SI: variants seen among roughly 807,000 people sequenced by gnomAD.
SI encodes the protein sucrase-isomaltase, also known as sucrase-isomaltase, intestinal.
In SI, 235 loss-of-function variants were observed where a neutral mutation model predicts 253.3. The ratio of observed to expected loss-of-function variants is 0.93; its 90% CI spans 0.83 to 1.03. SI has a LOEUF of 1.03. SI is among the 50% of genes least tolerant of loss of function. The pLI, the probability that SI is intolerant of heterozygous loss-of-function variation, is 0.00. For synonymous variants in SI, 819 were observed against 712.0 expected (o/e 1.15, Z -2.39); for missense variants, 2,442 against 2,211.1 (o/e 1.10, Z -2.09).
chr3:165,055,849 A>G (rs768544060), intron 12 of SI, among the ~76,000 whole-genome samples: 2 of 152,114 alleles, frequency 1.3e-5, no homozygotes, highest in Non-Finnish European at 2.9e-5. Context: ...CTTACAGATG[A>G]GGTAGGTACT....
chr3:165,023,926 T>C, intron 25 of SI, 150 bp from the exon 26 acceptor site: 1 of 663,754 alleles, frequency 1.5e-6, no homozygotes, highest in Non-Finnish European at 2.7e-6. Context: ...CAAAATATAT[T>C]TTATGCAATT....
intron 24 of SI, among the ~76,000 whole-genome samples, chr3:165,031,815 C>T (rs1337062485): frequency 6.6e-6 from 1 of 150,990 alleles, no homozygotes; most frequent in Non-Finnish European, 1.5e-5. Context: ...CATCAATCTA[C>T]TACCCAAAGC....
At chr3:165,002,423 T>A (rs1718297410) in intron 37 of SI, among the ~76,000 whole-genome samples, 1 of 151,780 alleles carries the variant, frequency 6.6e-6, no homozygotes, top group Non-Finnish European at 1.5e-5. Context: ...CATTTCTGAA[T>A]CCATGCATGC....
At chr3:165,049,521 T>C (rs1207213188) in intron 14 of SI, among the ~76,000 whole-genome samples, 2 of 152,058 alleles carry the variant, frequency 1.3e-5, no homozygotes, top group Non-Finnish European at 2.9e-5. Context: ...ACTTTAAAAA[T>C]AACCTTTAAC....
chr3:165,088,468 C>A, the SI span, among the ~76,000 whole-genome samples: 1 of 151,932 alleles, frequency 6.6e-6, no homozygotes, highest in Non-Finnish European at 1.5e-5. Context: ...TATGGTGAAA[C>A]CCCGTCTCTA....
intron 20 of SI, among the ~76,000 whole-genome samples, chr3:165,038,854 A>G (rs1309093727): frequency 6.6e-6 from 1 of 152,072 alleles, no homozygotes; most frequent in African/African-American, 2.4e-5. Flanking sequence ...TTTATGCTAA[A>G]TAATATAACT....
At chr3:165,046,141 T>G (rs2108227289) in intron 16 of SI, among the ~76,000 whole-genome samples, 1 of 152,226 alleles carries the variant, frequency 6.6e-6, no homozygotes, top group Middle Eastern at 3.4e-3. Flanking sequence ...TATTTTTCAA[T>G]TTTCAAACAC....
Position 165,023,751 on chromosome 3 carries a change from T to G in SI, c.2918A>C (p.Glu973Ala). 2 of 1,610,124 alleles carry G rather than the reference T, an allele frequency of 1.2e-6. No homozygotes were observed. The highest frequency in any genetic ancestry group is 1.7e-6 in the Non-Finnish European group (2 of 1,177,382). ...RTGSSLSKAP[E>A]CYFPRQDNSY... Reference sequence around the variant, plus strand: ...GTTATCTTGTCTGGGAAAGTAACACTCAGGTGCTTTGGATAGAGAAGAACC... The same window carrying G: ...GTTATCTTGTCTGGGAAAGTAACACGCAGGTGCTTTGGATAGAGAAGAACC... Residue 973 changes from glutamate to alanine, a missense_variant, in exon 26 of 48, where the codon GAG becomes GCG. Glu to Ala is a moderately radical substitution (Grantham distance 107). Coordinates refer to ENST00000264382, the MANE Select transcript of SI (RefSeq NM_001041.4).
At chr3:165,009,511 T>C (rs975615481) in intron 34 of SI, 116 bp from the exon 35 acceptor site, 7 of 701,370 alleles carry the variant, frequency 1.0e-5, no homozygotes, top group African/African-American at 1.8e-5. Context: ...ATGAAGGAAA[T>C]TGACATCAAT....
upstream of SI, among the ~76,000 whole-genome samples, chr3:165,079,177 A>T (rs925540418): frequency 2.6e-5 from 4 of 151,672 alleles, no homozygotes; most frequent in Admixed American, 6.6e-5. Context: ...CATAATGTTT[A>T]AAAGCAATGG....
chr3:164,989,389 G>GAAAGAAAGAAAGAAAGAAAGA (rs1559978090), intron 44 of SI, among the ~76,000 whole-genome samples: 1 of 59,428 alleles, frequency 1.7e-5, no homozygotes, highest in Non-Finnish European at 3.6e-5. Context: ...AGAAAGAAAG[G>GAAAGAAAGAAAGAAAGAAAGA]AAGAAAGAAA....
At chr3:165,054,137 A>G (rs542358745) in intron 13 of SI, among the ~76,000 whole-genome samples, 4 of 152,264 alleles carry the variant, frequency 2.6e-5, no homozygotes, top group African/African-American at 7.2e-5. Flanking sequence ...TAAATGATTG[A>G]TTGATTTAAT....
At chr3:165,064,207 T>C (rs761839734) in intron 7 of SI, among the ~76,000 whole-genome samples, 7 of 152,134 alleles carry the variant, frequency 4.6e-5, no homozygotes, top group Non-Finnish European at 8.8e-5. Context: ...TGTACCTTAA[T>C]AAAAATTTAG....
chr3:165,075,680 A>C lies in SI; in HGVS notation c.118+215T>G, dbSNP rs190728680. Among the ~76,000 whole-genome samples the C allele has an allele frequency of 2.1e-3, 315 of 152,062 alleles. 1 individual carries two copies. The highest frequency in any genetic ancestry group is 4.5e-3 in the Admixed American group (68 of 15,198). ...GTCAAGTAGCTAGGGAAGGCAATTC[A>C]TGTCAAAGCACATGGATTCCTTACT... On this transcript the variant is annotated intron_variant, in intron 2 of 47. Coordinates refer to ENST00000264382, the MANE Select transcript of SI (RefSeq NM_001041.4).
intron 2 of SI, 124 bp from the exon 3 acceptor site, chr3:165,074,791 A>C: frequency 1.2e-6 from 1 of 819,202 alleles, no homozygotes; most frequent in Non-Finnish European, 1.9e-6. Flanking sequence ...TTTTAAAATA[A>C]ATTTTGCATT....
chr3:165,000,981 G>T (rs1718231892), intron 37 of SI, among the ~76,000 whole-genome samples: 1 of 150,922 alleles, frequency 6.6e-6, no homozygotes, highest in Admixed American at 6.6e-5. Flanking sequence ...GTTTTTTATA[G>T]AAGTAAAACC....
At chr3:165,082,172 T>C (rs1715351717), upstream of SI, among the ~76,000 whole-genome samples, 1 of 151,956 alleles carries the variant, frequency 6.6e-6, no homozygotes, top group Admixed American at 6.6e-5. Context: ...TTTATCTAGC[T>C]CTATCTCAAT....
Position 164,991,371 on chromosome 3 carries a change from G to A in SI, c.5090C>T (p.Ala1697Val). The A allele has an allele frequency of 6.2e-7, 1 of 1,613,732 alleles. No individual in the cohort carries two copies. The highest frequency in any genetic ancestry group is 8.5e-7 in the Non-Finnish European group (1 of 1,179,766). ...GGHILPCQEP[A>V]QNTFYSRQKH... Reference sequence around the variant, plus strand: ...CACTTACCTGTAAAATGTGTTTTGAGCTGGCTCTTGACATGGTAGGATGTG... The same window carrying A: ...CACTTACCTGTAAAATGTGTTTTGAACTGGCTCTTGACATGGTAGGATGTG... Residue 1697 changes from alanine (A) to valine (V), a missense_variant, in exon 44 of 48, where the codon GCT (alanine) becomes GTT (valine). Transcript: ENST00000264382.
chr3:165,089,767 A>G, the SI span, among the ~76,000 whole-genome samples: 2 of 151,992 alleles, frequency 1.3e-5, no homozygotes, highest in Non-Finnish European at 2.9e-5. Flanking sequence ...TGTGGACTGA[A>G]TTACTCTCTG....
Sources: gnomAD v4.1 joint callset for allele counts (sites outside exome capture counted in the v4.1 genomes callset) on GRCh38, gnomAD v4.1.1 for gene constraint, MANE v1.5 for transcripts, NCBI Gene and HGNC (gene_info 2026-07-23, HGNC 2026-07-21) for gene names.